PKD1L1: variants seen among roughly 807,000 people sequenced by gnomAD.
PKD1L1 encodes polycystin-1-like protein 1.
Under a neutral mutation model 323.4 loss-of-function variants are expected in PKD1L1, and 236 were observed. The ratio of observed to expected loss-of-function variants is 0.73; its 90% confidence interval spans 0.66 to 0.81. PKD1L1 has a LOEUF of 0.81. PKD1L1 is among the 40% of genes least tolerant of loss of function. The pLI is 0.00. For synonymous variants in PKD1L1, 1,344 were observed against 1,335.0 expected (o/e 1.01, Z -0.15); for missense variants, 3,320 against 3,508.0 (o/e 0.95, Z 1.35).
intron 47 of PKD1L1, among the ~76,000 whole-genome samples, chr7:47,814,557 T>C (rs184799194): frequency 6.6e-6 from 1 of 152,118 alleles, no homozygotes; most frequent in Non-Finnish European, 1.5e-5. Context: ...TTTTTGTATT[T>C]TTAGTCTGGA....
chr7:47,940,304 A>T lies in PKD1L1; in HGVS notation c.174T>A (p.Asn58Lys), dbSNP rs1265138774. 6 of 1,613,640 alleles carry T rather than the reference A, an allele frequency of 3.7e-6. No individual in the cohort carries two copies. Among genetic ancestry groups the T allele is most frequent in the Non-Finnish European group, 5.1e-6 (6 of 1,179,622 alleles). ...GGGLWVEVYA[N>K]HVLLMSDGKC... is the part of the protein sequence containing the mutation. ...TCCCATCACTCATAAGAAGCACATGATTAGCATAGACCTCTAGAGAAAAAA... is the reference window on the plus strand; with the variant it reads ...TCCCATCACTCATAAGAAGCACATGTTTAGCATAGACCTCTAGAGAAAAAA... Residue 58 changes from asparagine (N) to lysine (K), a missense_variant, in exon 3 of 57, where the codon AAT (asparagine) becomes AAA (lysine). Transcript: ENST00000289672.
intron 3 of PKD1L1, 101 bp from the exon 4 acceptor site, chr7:47,937,059 C>A: frequency 2.6e-5 from 23 of 877,190 alleles, no homozygotes; most frequent in Non-Finnish European, 3.8e-5. Context: ...GCAGTGGACC[C>A]CTGCTGTGCG....
intron 7 of PKD1L1, among the ~76,000 whole-genome samples, chr7:47,926,870 C>T (rs1175178811): frequency 4.6e-5 from 7 of 151,908 alleles, no homozygotes; most frequent in East Asian, 3.9e-4. Flanking sequence ...TGCCAGCAAA[C>T]GGCCTGAGGG....
intron 26 of PKD1L1, among the ~76,000 whole-genome samples, chr7:47,861,824 T>C (rs997819053): frequency 7.7e-6 from 1 of 129,964 alleles, no homozygotes; most frequent in Non-Finnish European, 1.5e-5. Flanking sequence ...GAGCTTGCAG[T>C]GAGCCAAGCT....
chr7:47,787,887 T>C (rs905126875), intron 56 of PKD1L1, among the ~76,000 whole-genome samples: 12 of 152,068 alleles, frequency 7.9e-5, no homozygotes, highest in Non-Finnish European at 1.5e-4. Context: ...AATTTTGTAT[T>C]TTTTGTACAG....
chr7:47,916,615 C>T (rs757847711), intron 7 of PKD1L1, among the ~76,000 whole-genome samples: 4 of 152,192 alleles, frequency 2.6e-5, no homozygotes, highest in Non-Finnish European at 4.4e-5. Flanking sequence ...TGCTGGTATA[C>T]TTGGCTGAGA....
chr7:47,898,146 C>T lies in PKD1L1; in HGVS notation c.2113G>A (p.Val705Ile), dbSNP rs1787001057. ...AGACCTTGGGAAATATCACAGAAGA[C>T]TGCAGCTTCAAACGTCACTCCCAGC... ...VRLGVTFEAA[V>I]FCDISQGLSY... Residue 705 changes from valine to isoleucine, a missense_variant, in exon 14 of 57, where the codon GTC (valine) becomes ATC (isoleucine). Physicochemically the swap from Val to Ile is conservative, Grantham distance 29. Transcript: ENST00000289672. The T allele has an allele frequency of 1.2e-6, 2 of 1,614,174 alleles. No individual in the cohort carries two copies. The highest frequency in any genetic ancestry group is 1.7e-6 in the Non-Finnish European group (2 of 1,180,032).
intron 50 of PKD1L1, 128 bp from the exon 51 acceptor site, chr7:47,809,705 G>A (rs1784854429): frequency 1.6e-6 from 1 of 637,296 alleles, no homozygotes; most frequent in Non-Finnish European, 2.6e-6. Flanking sequence ...CCCATTTCCT[G>A]TTCTGCAGAG....
At position 47,866,476 on chromosome 7, in the gene PKD1L1, C is replaced by T; in HGVS notation, c.4035G>A (p.Trp1345Ter). The T allele has an allele frequency of 5.0e-6, 8 of 1,613,894 alleles. No homozygotes were observed. Among genetic ancestry groups the T allele is most frequent in the Non-Finnish European group, 6.8e-6 (8 of 1,179,934 alleles). The change falls in exon 25 of 57, where the codon TGG (tryptophan) becomes TGA (stop). Residue 1345 changes from tryptophan to a stop codon, truncating the protein, a stop_gained. Transcript: ENST00000289672. LOFTEE classifies it high-confidence loss of function. Reference protein sequence around the residue: ...KEDKTASCNQWSRIQDALISS... With the variant: ...KEDKTASCNQ ...AAATTAATGCATCCTGTATTCGTGA[C>T]CATTGGTTGCAGGAGGCAGTTTTGT... is the stretch of plus-strand genomic sequence containing the variant.
chr7:47,886,197 CA>C (rs996070164), intron 17 of PKD1L1, 143 bp from the exon 18 acceptor site: 22 of 1,149,040 alleles, frequency 1.9e-5, no homozygotes, highest in Non-Finnish European at 2.6e-5. Context: ...AGATACAGGG[CA>C]GAGAGTGTGG....
chr7:47,864,580 C>CTTTCTTTCT (rs1786108639), intron 26 of PKD1L1, among the ~76,000 whole-genome samples: 10 of 52,954 alleles, frequency 1.9e-4, no homozygotes, highest in African/African-American at 1.2e-3. Context: ...TCTTTCTTTT[C>CTTTCTTTCT]TTTCTTTCTT....
intron 24 of PKD1L1, among the ~76,000 whole-genome samples, chr7:47,872,693 T>C (rs1428281066): frequency 6.6e-6 from 1 of 152,190 alleles, no homozygotes; most frequent in Non-Finnish European, 1.5e-5. Flanking sequence ...ATAACCAGTG[T>C]TGGTTAGGAT....
intron 46 of PKD1L1, chr7:47,818,147 G>A (rs780180508): frequency 1.5e-6 from 2 of 1,367,738 alleles, no homozygotes; most frequent in South Asian, 1.1e-5. Context: ...GCAACAGAGA[G>A]GCATCAGGAA....
At chr7:47,900,297 A>G (rs1364920906) in intron 13 of PKD1L1, among the ~76,000 whole-genome samples, 1 of 152,234 alleles carries the variant, frequency 6.6e-6, no homozygotes, top group Non-Finnish European at 1.5e-5. Context: ...GTGAGCTGCT[A>G]CAAAAACATC....
rs746968551 is a variant in PKD1L1, at chr7:47,929,396, T to C, written c.868A>G (p.Met290Val). Residue 290 changes from methionine to valine, a missense_variant, in exon 7 of 57, where the codon ATG becomes GTG. Coordinates refer to ENST00000289672, the MANE Select transcript of PKD1L1 (RefSeq NM_138295.5). ...AGGGAGCAATTAAGAACAGGGTTCA[T>C]GAAGTTATCAGAATTTCGAGCTAGG... ...AILARNSDNF[M>V]NPVLNCSLEV... 47 of 1,614,070 alleles carry C rather than the reference T, an allele frequency of 2.9e-5. No homozygotes were observed. Among genetic ancestry groups the C allele is most frequent in the Non-Finnish European group, 3.7e-5 (44 of 1,180,046 alleles).
intron 4 of PKD1L1, among the ~76,000 whole-genome samples, 193 bp downstream of exon 4, chr7:47,936,653 T>C (rs1456832067): frequency 1.3e-5 from 2 of 152,358 alleles, no homozygotes; most frequent in South Asian, 2.1e-4. Context: ...TTTGTCATAC[T>C]ACCTGTTCTA....
rs907437162 is a variant in PKD1L1, at chr7:47,858,830, T to C, written c.4205A>G (p.Gln1402Arg). 2 of 1,614,018 alleles carry C rather than the reference T, an allele frequency of 1.2e-6. No individual in the cohort carries two copies. Among genetic ancestry groups the C allele is most frequent in the Admixed American group, 3.3e-5 (2 of 59,996 alleles). ...CACAAATGGCCCCGAGAACTGGCCT[T>C]GAGCAAGGAGTGCCCGGGTGTACTT... Reference protein sequence around the residue: ...ILKYTRALLAQGQFSGPFVID... With the variant: ...ILKYTRALLARGQFSGPFVID... The change falls in exon 27 of 57, where the codon CAA (glutamine) becomes CGA (arginine). Residue 1402 changes from glutamine to arginine, a missense_variant. By Grantham distance (43) the Gln-to-Arg change is conservative (BLOSUM62 1). Coordinates refer to ENST00000289672, the MANE Select transcript of PKD1L1 (RefSeq NM_138295.5).
intron 49 of PKD1L1, 118 bp downstream of exon 49, chr7:47,813,003 G>T: frequency 1.6e-6 from 2 of 1,270,054 alleles, no homozygotes; most frequent in South Asian, 1.4e-5. Context: ...GTGGTGCGCT[G>T]ACCTCGCAGG....
At chr7:47,934,638 G>A (rs954187379) in intron 4 of PKD1L1, among the ~76,000 whole-genome samples, 1 of 152,038 alleles carries the variant, frequency 6.6e-6, no homozygotes, top group Non-Finnish European at 1.5e-5. Flanking sequence ...AAAAGAAAAG[G>A]GCACCCGTGT....
Sources: allele counts gnomAD v4.1 joint callset (sites outside exome capture counted in the v4.1 genomes callset), GRCh38; gene constraint gnomAD v4.1.1; transcripts MANE v1.5; gene names NCBI Gene and HGNC (gene_info 2026-07-23, HGNC 2026-07-21).